The following EMSY variants were observed in gnomAD, a reference collection of about 807,000 sequenced individuals.
EMSY encodes the protein BRCA2-interacting transcriptional repressor EMSY.
A neutral mutation model predicts 134.6 loss-of-function variants in EMSY; 26 were observed. The ratio of observed to expected loss-of-function variants is 0.19; its 90% confidence interval spans 0.14 to 0.27. The LOEUF (loss-of-function observed/expected upper bound fraction) is 0.27, where lower values mean the gene tolerates loss of function less well. Ranked by LOEUF, EMSY falls within the 10% of genes least tolerant of loss-of-function variation. The pLI is 1.00. For missense variants in EMSY, 1,305 were observed against 1,611.4 expected (o/e 0.81, Z 3.26); for synonymous variants, 579 against 577.8 (o/e 1.00, Z -0.03).
exon 21 of EMSY, chr11:76,550,265 CA>C: frequency 1.4e-6 from 1 of 712,780 alleles, no homozygotes; most frequent in Non-Finnish European, 2.0e-6. Flanking sequence ...GACCCTAAAA[CA>C]GCAGTGTTTC....
downstream of EMSY, chr11:76,552,591 C>T (rs1170493453): frequency 6.6e-6 from 1 of 151,992 alleles, no homozygotes; most frequent in Non-Finnish European, 1.5e-5. Flanking sequence ...TTAATAAGTG[C>T]CTAGTATTGC....
At chr11:76,459,863 A>C (rs2135059517) in intron 5 of EMSY, 70 bp from the exon 7 acceptor site, 19 of 1,568,076 alleles carry the variant, frequency 1.2e-5, no homozygotes, top group Non-Finnish European at 1.7e-5. Context: ...CCTGCAATAA[A>C]AATAATTTTT....
intron 8 of EMSY, among the ~76,000 whole-genome samples, chr11:76,473,697 A>G (rs968392536): frequency 6.6e-6 from 1 of 152,130 alleles, no homozygotes; most frequent in African/African-American, 2.4e-5. Context: ...TTGCTGCTTA[A>G]TAGCAGAGTA....
At chr11:76,453,980 A>G (rs1947773342) in intron 4 of EMSY, 2 of 152,204 alleles carry the variant, frequency 1.3e-5, no homozygotes, top group African/African-American at 4.8e-5. Context: ...GGAGGGTGGT[A>G]GAGGATTGAG....
exon 7 of EMSY, chr11:76,464,058 C>T: frequency 6.2e-7 from 1 of 1,614,224 alleles, no homozygotes; most frequent in Non-Finnish European, 8.5e-7. Context: ...TCAACACAGA[C>T]AACAAACACA....
At chr11:76,477,353 CAT>C (rs1413376184) in intron 8 of EMSY, among the ~76,000 whole-genome samples, 2 of 148,978 alleles carry the variant, frequency 1.3e-5, no homozygotes, top group East Asian at 4.0e-4. Context: ...AATTATATAA[CAT>C]ATTTATGTAG....
exon 19 of EMSY, chr11:76,544,385 T>G: frequency 6.2e-7 from 1 of 1,614,104 alleles, no homozygotes; most frequent in East Asian, 2.2e-5. Flanking sequence ...CCTGACTCAG[T>G]CACAGTCAGC....
At chr11:76,478,545 C>T (rs1435075007) in intron 8 of EMSY, among the ~76,000 whole-genome samples, 5 of 151,608 alleles carry the variant, frequency 3.3e-5, no homozygotes, top group Non-Finnish European at 5.9e-5. Flanking sequence ...GTTTCACCAT[C>T]TTGGTCAGGC....
At chr11:76,547,182 G>C (rs1951684127) in intron 20 of EMSY, 1 of 359,992 alleles carries the variant, frequency 2.8e-6, no homozygotes, top group Non-Finnish European at 5.4e-6. Context: ...GCACATTTTA[G>C]TTAATTGAGA....
At chr11:76,521,878 G>T (rs1283892045) in intron 11 of EMSY, among the ~76,000 whole-genome samples, 1 of 151,764 alleles carries the variant, frequency 6.6e-6, no homozygotes, top group Non-Finnish European at 1.5e-5. Flanking sequence ...CCAGCCAGCA[G>T]CCAGGGCAAC....
At chr11:76,463,640 A>AG (rs1472574179) in intron 6 of EMSY, among the ~76,000 whole-genome samples, 181 bp from the exon 8 acceptor site, 1 of 151,184 alleles carries the variant, frequency 6.6e-6, no homozygotes, top group African/African-American at 2.4e-5. Context: ...AAAAAAAAAA[A>AG]AAAAAAAAGA....
Position 76,451,964 on chromosome 11 carries a change from T to C in EMSY, c.170+7T>C, listed in dbSNP as rs73493461. On this transcript the variant is annotated splice_region_variant and intron_variant, in intron 3 of 20. Transcript: ENST00000334736. ...AACTATCAAAAGTTCTTAGGTAAAT[T>C]ATTGTAAATGTTTGTGAGACTCTAG... The C allele has an allele frequency of 9.3e-4, 1,424 of 1,531,718 alleles. 11 individuals carry two copies. The African/African-American group carries it at 0.018, about 19-fold the overall frequency. The allele number at this position is 1,531,718 out of a possible 1,614,324, so 94.9% of individuals were successfully genotyped here.
At chr11:76,451,770 A>T in intron 2 of EMSY, 88 bp from the exon 3 acceptor site, 1 of 599,934 alleles carries the variant, frequency 1.7e-6, no homozygotes, top group Non-Finnish European at 2.7e-6. Flanking sequence ...AATTATTTTT[A>T]GTTTTTTTGC....
At chr11:76,489,958 T>C (rs1295186766) in intron 8 of EMSY, among the ~76,000 whole-genome samples, 2 of 152,168 alleles carry the variant, frequency 1.3e-5, no homozygotes, top group Non-Finnish European at 2.9e-5. Flanking sequence ...TGTGCCTTTG[T>C]ATTTAAAATA....
At chr11:76,459,155 G>C (rs1006266602) in intron 5 of EMSY, 5 of 152,192 alleles carry the variant, frequency 3.3e-5, no homozygotes, top group African/African-American at 9.7e-5. Flanking sequence ...CGCTCAGGTA[G>C]AGTGGAAAGA....
chr11:76,551,894 TAA>T (rs1431650530), downstream of EMSY: 1 of 152,150 alleles, frequency 6.6e-6, no homozygotes, highest in Admixed American at 6.5e-5. Flanking sequence ...ACTTACAGAT[TAA>T]GTTTTTATAA....
intron 4 of EMSY, among the ~76,000 whole-genome samples, chr11:76,456,618 C>G (rs1392029296): frequency 6.6e-6 from 1 of 152,098 alleles, no homozygotes; most frequent in Non-Finnish European, 1.5e-5. Flanking sequence ...TTCTTTGTTT[C>G]AAAAGTAGCA....
chr11:76,510,855 A>ATG (rs1950249586), intron 9 of EMSY, among the ~76,000 whole-genome samples: 1 of 152,238 alleles, frequency 6.6e-6, no homozygotes, highest in African/African-American at 2.4e-5. Context: ...CTGGAATGGA[A>ATG]TGTACCCCTT....
rs567367310 is a variant in EMSY at position 76,489,797 on chromosome 11, G to A, written c.1109-6418G>A. ...TTTTTGTATTTTTAGTAGAGTCAGC[G>A]TCTCACCATGTTGGCCAGGCTGGTC... On this transcript the variant is annotated intron_variant, in intron 8 of 20. Coordinates refer to ENST00000334736, the Ensembl canonical transcript of EMSY. Among the ~76,000 whole-genome samples the A allele has an allele frequency of 1.1e-4, 17 of 152,162 alleles. No homozygotes were observed. In the East Asian group the frequency reaches 1.9e-3, roughly 17 times the overall value.
Sources: gnomAD v4.1 joint callset for allele counts (sites outside exome capture counted in the v4.1 genomes callset) on GRCh38, gnomAD v4.1.1 for gene constraint, MANE v1.5 for transcripts, NCBI Gene and HGNC (gene_info 2026-07-23, HGNC 2026-07-21) for gene names.